Variants in PTPRD observed in about 807,000 individuals in gnomAD.
PTPRD encodes the protein receptor-type tyrosine-protein phosphatase delta.
In PTPRD, 34 loss-of-function variants were observed where a neutral mutation model predicts 214.5. That is an observed-to-expected ratio of 0.16 (90% CI 0.12 to 0.21). The LOEUF is 0.21. PTPRD is among the 10% of genes least tolerant of loss of function. PTPRD has a pLI of 1.00. For missense variants in PTPRD, 2,545 were observed against 2,398.7 expected (o/e 1.06, Z -1.27); for synonymous variants, 1,128 against 845.7 (o/e 1.33, Z -5.79).
At chr9:9,002,535 A>G (rs576699018) in intron 11 of PTPRD, among the ~76,000 whole-genome samples, 10 of 152,230 alleles carry the variant, frequency 6.6e-5, no homozygotes, top group African/African-American at 2.4e-4. Flanking sequence ...ATAATGGTAG[A>G]GAATTTATAG....
At chr9:8,978,877 T>C (rs193024203) in intron 11 of PTPRD, among the ~76,000 whole-genome samples, 2 of 152,272 alleles carry the variant, frequency 1.3e-5, no homozygotes, top group East Asian at 3.9e-4. Context: ...TAATGATTCC[T>C]GAAAACGTCT....
At chr9:9,829,437 T>C (rs1222191194) in intron 5 of PTPRD, among the ~76,000 whole-genome samples, 2 of 151,898 alleles carry the variant, frequency 1.3e-5, no homozygotes, top group Non-Finnish European at 2.9e-5. Flanking sequence ...ATTCATTTTG[T>C]TCTGATTTTA....
chr9:10,050,590 A>AAAAAAAAAAAAAAAT (rs71321219), intron 3 of PTPRD, among the ~76,000 whole-genome samples: 2 of 137,634 alleles, frequency 1.5e-5, no homozygotes, highest in Non-Finnish European at 3.1e-5. Context: ...AAAAAAAAAA[A>AAAAAAAAAAAAAAAT]GACTATGTCA....
chr9:8,549,883 C>A (rs1241289539), intron 14 of PTPRD, among the ~76,000 whole-genome samples: 2 of 152,088 alleles, frequency 1.3e-5, no homozygotes, highest in African/African-American at 4.8e-5. Flanking sequence ...AAAAAGGGTA[C>A]CATTTCAAGC....
intron 11 of PTPRD, among the ~76,000 whole-genome samples, chr9:8,826,110 C>T (rs77919567): frequency 6.6e-6 from 1 of 151,936 alleles, no homozygotes; most frequent in Non-Finnish European, 1.5e-5. Context: ...CAGATAAAGG[C>T]CTGTATCTGT....
chr9:8,683,279 T>A (rs1329760482), intron 12 of PTPRD, among the ~76,000 whole-genome samples: 1 of 152,002 alleles, frequency 6.6e-6, no homozygotes, highest in East Asian at 1.9e-4. Flanking sequence ...AAGCAAAATT[T>A]ATGAAAACAT....
At chr9:9,729,597 G>T (rs998780974) in intron 7 of PTPRD, among the ~76,000 whole-genome samples, 14 of 151,942 alleles carry the variant, frequency 9.2e-5, no homozygotes, top group Admixed American at 8.5e-4. Context: ...GGGAATAAAA[G>T]GCTTAAAGCA....
chr9:9,260,753 G>A (rs953951916), intron 9 of PTPRD, among the ~76,000 whole-genome samples: 1 of 151,784 alleles, frequency 6.6e-6, no homozygotes, highest in Non-Finnish European at 1.5e-5. Flanking sequence ...GAAATAAAAT[G>A]GTAGACGACA....
At chr9:9,215,311 G>A (rs1032825657) in intron 9 of PTPRD, among the ~76,000 whole-genome samples, 5 of 152,200 alleles carry the variant, frequency 3.3e-5, no homozygotes, top group Non-Finnish European at 5.9e-5. Flanking sequence ...CTTGTTCACC[G>A]GGAAAGTTAT....
At chr9:10,148,893 G>C (rs536002677) in intron 3 of PTPRD, among the ~76,000 whole-genome samples, 1 of 152,108 alleles carries the variant, frequency 6.6e-6, no homozygotes, top group South Asian at 2.1e-4. Flanking sequence ...ATAGACATTT[G>C]AAAATTGGGT....
chr9:9,836,806 T>G (rs2056890584), intron 5 of PTPRD, among the ~76,000 whole-genome samples: 1 of 152,148 alleles, frequency 6.6e-6, no homozygotes, highest in African/African-American at 2.4e-5. Context: ...TTACTATATG[T>G]AAAACACTTA....
chr9:8,723,582 A>C (rs762243597), intron 12 of PTPRD, among the ~76,000 whole-genome samples: 1 of 152,190 alleles, frequency 6.6e-6, no homozygotes, highest in Non-Finnish European at 1.5e-5. Context: ...GAAAAGTATT[A>C]TTACTTTTAA....
At chr9:8,867,930 T>G (rs2098227442) in intron 11 of PTPRD, among the ~76,000 whole-genome samples, 1 of 152,170 alleles carries the variant, frequency 6.6e-6, no homozygotes, top group Non-Finnish European at 1.5e-5. Context: ...ACATTGTTGT[T>G]GTTGAACTTA....
chr9:9,306,406 A>C lies in PTPRD; in HGVS notation c.-203+91043T>G, dbSNP rs971959048. ...TAGTGAAATCCCGTCTCTACTAAAAATAAAAAACTAGCTGGGTGGGGTGTG... is the reference window on the plus strand; with the variant it reads ...TAGTGAAATCCCGTCTCTACTAAAACTAAAAAACTAGCTGGGTGGGGTGTG... On this transcript the variant is annotated intron_variant, in intron 9 of 45. Coordinates refer to ENST00000381196, the MANE Select transcript of PTPRD (RefSeq NM_002839.4). Among the ~76,000 whole-genome samples, 3 of 151,730 alleles carry C rather than the reference A, an allele frequency of 2.0e-5. No individual in the cohort carries two copies. In the East Asian group the frequency reaches 5.8e-4, roughly 30 times the overall value.
At chr9:8,329,073 T>C (rs1309561782) in intron 44 of PTPRD, among the ~76,000 whole-genome samples, 1 of 152,166 alleles carries the variant, frequency 6.6e-6, no homozygotes, top group Non-Finnish European at 1.5e-5. Flanking sequence ...GTTCCCTTGC[T>C]GGCGAGGAGT....
chr9:9,951,687 G>A (rs572858452), intron 4 of PTPRD, among the ~76,000 whole-genome samples: 2 of 152,334 alleles, frequency 1.3e-5, no homozygotes, highest in African/African-American at 4.8e-5. Context: ...TATGCCTTCA[G>A]GCAAATAACC....
At chr9:10,221,815 C>T (rs1486825462) in intron 3 of PTPRD, among the ~76,000 whole-genome samples, 1 of 151,746 alleles carries the variant, frequency 6.6e-6, no homozygotes, top group African/African-American at 2.4e-5. Context: ...TTCTTACCTG[C>T]TATATCATTA....
chr9:9,192,038 C>T (rs2099935549), intron 9 of PTPRD, among the ~76,000 whole-genome samples: 1 of 151,826 alleles, frequency 6.6e-6, no homozygotes. Flanking sequence ...AAAAATTTAT[C>T]AAAATATGAT....
chr9:10,064,314 C>A (rs1199014363), intron 3 of PTPRD, among the ~76,000 whole-genome samples: 1 of 151,912 alleles, frequency 6.6e-6, no homozygotes. Flanking sequence ...TCTTAATTAG[C>A]TGTACAACAA....
Sources: gnomAD v4.1 joint callset for allele counts (sites outside exome capture counted in the v4.1 genomes callset) on GRCh38, gnomAD v4.1.1 for gene constraint, MANE v1.5 for transcripts, NCBI Gene and HGNC (gene_info 2026-07-23, HGNC 2026-07-21) for gene names.